ASAH2: variants seen among roughly 807,000 people sequenced by gnomAD.
The protein encoded by ASAH2 is N-acylsphingosine amidohydrolase 2, also known as neutral ceramidase.
ASAH2 carries 58 observed loss-of-function variants against 82.9 expected under a neutral mutation model. The observed-to-expected ratio is 0.70, with a 90% confidence interval of 0.57 to 0.87. ASAH2 has a LOEUF of 0.87. ASAH2 is among the 40% of genes least tolerant of loss of function. ASAH2 has a pLI of 0.00. For synonymous variants in ASAH2, 276 were observed against 289.7 expected (o/e 0.95, Z 0.48); for missense variants, 779 against 834.0 (o/e 0.93, Z 0.81).
chr10:50,249,693 A>T (rs1846566586), intron 1 of ASAH2, among the ~76,000 whole-genome samples: 1 of 152,222 alleles, frequency 6.6e-6, no homozygotes, highest in African/African-American at 2.4e-5. Context: ...TTTGTTCAAT[A>T]AATGCTCAAA....
chr10:50,213,596 A>T (rs1364674137), intron 9 of ASAH2, among the ~76,000 whole-genome samples: 3 of 152,186 alleles, frequency 2.0e-5, no homozygotes, highest in African/African-American at 7.2e-5. Flanking sequence ...CTAAAAGAAA[A>T]TATGGATAAA....
At chr10:50,234,610 A>G (rs1846102371) in intron 5 of ASAH2, 58 bp from the exon 6 acceptor site, 2 of 1,610,346 alleles carry the variant, frequency 1.2e-6, no homozygotes, top group Non-Finnish European at 1.7e-6. Flanking sequence ...GGGGACAATA[A>G]CTTAGTCAAT....
chr10:50,185,831 G>C lies in ASAH2; in HGVS notation c.*1484C>G, dbSNP rs1328788919. 1 of 143,604 alleles carries C rather than the reference G, an allele frequency of 7.0e-6. No homozygotes were observed. The highest frequency in any genetic ancestry group is 2.7e-5 in the African/African-American group (1 of 37,236). The allele number at this position is 143,604 out of a possible 1,614,324, so 8.9% of individuals were successfully genotyped here. On this transcript the variant is annotated 3_prime_UTR_variant, in exon 21 of 21. Coordinates refer to ENST00000682911, the MANE Select transcript of ASAH2 (RefSeq NM_019893.4). ...TGTTAATACTACCATTATGAATATT[G>C]TTATTATTTTCAAACCTCAAAGTTT...
chr10:50,199,942 G>A (rs2813327), intron 16 of ASAH2, among the ~76,000 whole-genome samples: 13 of 150,944 alleles, frequency 8.6e-5, no homozygotes, highest in African/African-American at 3.0e-4. Context: ...ATTTGTATTA[G>A]GTTCAGAGGT....
chr10:50,217,985 C>T (rs1232762224), intron 8 of ASAH2, among the ~76,000 whole-genome samples: 18 of 152,116 alleles, frequency 1.2e-4, no homozygotes, highest in African/African-American at 2.7e-4. Context: ...ATTAGCTGGG[C>T]GTGGGGGTGT....
Position 50,234,425 on chromosome 10 carries a change from CT to C in ASAH2, c.814del (p.Arg272GlyfsTer10). Reference sequence around the variant, plus strand: ...TTTCATTTTGACGATTCCTCCTCACCTTGCTCTCTCTGACTGCGGATTTTGA... The same window carrying C: ...TTTCATTTTGACGATTCCTCCTCACCTGCTCTCTCTGACTGCGGATTTTGA... The part of the protein sequence containing the change: ...YLQNPQSERA[R>X]YSSNTDKEMI... On this transcript the variant is annotated frameshift_variant and splice_region_variant, in exon 6 of 21. Coordinates refer to ENST00000682911, the MANE Select transcript of ASAH2 (RefSeq NM_019893.4). LOFTEE classifies it high-confidence loss of function. 1 of 1,612,972 alleles carries C rather than the reference CT, an allele frequency of 6.2e-7. No homozygotes were observed. Among genetic ancestry groups the C allele is most frequent in the Non-Finnish European group, 8.5e-7 (1 of 1,179,176 alleles).
intron 15 of ASAH2, 22 bp downstream of exon 15, chr10:50,203,618 T>C: frequency 6.2e-7 from 1 of 1,605,088 alleles, no homozygotes; most frequent in Non-Finnish European, 8.5e-7. Context: ...CATGTAGATA[T>C]GTTATTTTAT....
chr10:50,218,494 T>C lies in ASAH2; in HGVS notation c.1014+16A>G. ...CAGTGAATCAAGATGAAGCTTTCAA[T>C]GATATAAATTCTCACCTGTCCAGGT... On this transcript the variant is annotated intron_variant, in intron 8 of 20. Coordinates refer to ENST00000682911, the MANE Select transcript of ASAH2 (RefSeq NM_019893.4). The C allele has an allele frequency of 3.7e-6, 6 of 1,613,760 alleles. No homozygotes were observed. The highest frequency in any genetic ancestry group is 5.1e-6 in the Non-Finnish European group (6 of 1,179,712).
chr10:50,226,297 C>T (rs972694694), intron 7 of ASAH2, among the ~76,000 whole-genome samples: 12 of 152,126 alleles, frequency 7.9e-5, no homozygotes, highest in Admixed American at 4.6e-4. Context: ...ATAGAGTTAA[C>T]AAACTGTAAA....
intron 7 of ASAH2, among the ~76,000 whole-genome samples, chr10:50,226,148 T>C (rs1158639652): frequency 6.6e-6 from 1 of 151,934 alleles, no homozygotes; most frequent in Admixed American, 6.6e-5. Context: ...CTGTAAACAA[T>C]CTAAATAACA....
chr10:50,211,036 T>A lies in ASAH2; in HGVS notation c.1326A>T (p.Thr442=), dbSNP rs1845442092. The change falls in exon 11 of 21, where the codon ACA becomes ACT. Residue 442 remains threonine (T), a synonymous_variant. Transcript: ENST00000682911. ...GTGTCTCAGCAGCACTTACTGCATG[T>A]GTGGAATTGAGCCAGACAGTCACAT... ...MTDVTVWLNS[T]HASKTCKPAL... is the part of the protein sequence containing the mutation. The A allele has an allele frequency of 1.2e-6, 2 of 1,613,390 alleles. No homozygotes were observed. The highest frequency in any genetic ancestry group is 1.7e-6 in the Non-Finnish European group (2 of 1,179,510).
intron 2 of ASAH2, among the ~76,000 whole-genome samples, chr10:50,247,782 G>A (rs901275911): frequency 6.6e-6 from 1 of 151,834 alleles, no homozygotes; most frequent in Non-Finnish European, 1.5e-5. Flanking sequence ...AAGACCCACT[G>A]CCAATCTTTG....
In ASAH2 at chr10:50,187,118, T is replaced by TCA. The variant is rs1171385681; in HGVS notation, c.*195_*196dup. The stretch of plus-strand genomic sequence containing the variant: ...CTCTCTCTCTCTCTCTCTCTCTCTC[T>TCA]CACACACACACACACACACACACAC... On this transcript the variant is annotated 3_prime_UTR_variant, in exon 21 of 21. Coordinates refer to ENST00000682911, the MANE Select transcript of ASAH2 (RefSeq NM_019893.4). 7.9e-3 allele frequency: 1,241 copies of TCA among 157,000 alleles called. 17 individuals are homozygous for TCA. The highest frequency in any genetic ancestry group is 0.028 in the East Asian group (166 of 5,952). The allele number at this position is 157,000 out of a possible 1,614,324, so 9.7% of individuals were successfully genotyped here. A position where few individuals can be genotyped will look rare whatever the true frequency, so the allele number is the denominator to read the frequency against.
At chr10:50,231,044 A>G (rs1172925544) in intron 7 of ASAH2, among the ~76,000 whole-genome samples, 5 of 136,666 alleles carry the variant, frequency 3.7e-5, no homozygotes, top group Non-Finnish European at 4.8e-5. Context: ...TTGTCTCAGG[A>G]AAAAAAAAAA....
intron 13 of ASAH2, 44 bp downstream of exon 13, chr10:50,205,938 A>G (rs1845281597): frequency 2.8e-6 from 4 of 1,428,546 alleles, no homozygotes; most frequent in Non-Finnish European, 4.0e-6. Flanking sequence ...CATATTTAAA[A>G]ATAACAATAT....
At chr10:50,203,201 A>G (rs1845202242) in intron 15 of ASAH2, among the ~76,000 whole-genome samples, 2 of 152,170 alleles carry the variant, frequency 1.3e-5, no homozygotes, top group African/African-American at 4.8e-5. Flanking sequence ...GCTAACCAGA[A>G]TAGTAATTTC....
intron 7 of ASAH2, among the ~76,000 whole-genome samples, chr10:50,228,694 C>T (rs1354905867): frequency 2.0e-5 from 3 of 151,740 alleles, no homozygotes; most frequent in African/African-American, 4.8e-5. Context: ...CTTACAAGAC[C>T]ACTGACTATA....
intron 14 of ASAH2, 101 bp downstream of exon 14, chr10:50,204,760 C>G (rs951573321): frequency 5.3e-6 from 5 of 936,854 alleles, no homozygotes; most frequent in Non-Finnish European, 6.8e-6. Flanking sequence ...CAGTAGGATA[C>G]CAAGGGGTCA....
chr10:50,247,316 A>G (rs1304718351), intron 2 of ASAH2, among the ~76,000 whole-genome samples: 1 of 97,788 alleles, frequency 1.0e-5, no homozygotes, highest in Non-Finnish European at 2.3e-5. Context: ...CACCACCACA[A>G]ACAGCTATTT....
Sources: gnomAD v4.1 joint callset for allele counts (sites outside exome capture counted in the v4.1 genomes callset) on GRCh38, gnomAD v4.1.1 for gene constraint, MANE v1.5 for transcripts, NCBI Gene and HGNC (gene_info 2026-07-23, HGNC 2026-07-21) for gene names.